UMODL1: variants seen among roughly 807,000 people sequenced by gnomAD.
UMODL1 encodes uromodulin like 1, also known as uromodulin-like 1.
UMODL1 carries 128 observed loss-of-function variants against 136.3 expected under a neutral mutation model. The observed-to-expected ratio is 0.94, with a 90% CI of 0.81 to 1.09. The LOEUF (loss-of-function observed/expected upper bound fraction) is 1.09, where lower values mean the gene tolerates loss of function less well. UMODL1 is among the 50% of genes least tolerant of loss of function. The pLI, the probability that UMODL1 is intolerant of heterozygous loss-of-function variation, is 0.00. For synonymous variants in UMODL1, 721 were observed against 720.0 expected (o/e 1.00, Z -0.02); for missense variants, 1,766 against 1,725.6 (o/e 1.02, Z -0.41).
chr21:42,138,233 C>A (rs528621229), intron 22 of UMODL1, among the ~76,000 whole-genome samples: 1 of 152,250 alleles, frequency 6.6e-6, no homozygotes, highest in Admixed American at 6.5e-5. Flanking sequence ...TGGGAAGATG[C>A]CCAAGAGGCC....
In UMODL1 at chr21:42,133,618, CCA is replaced by C. The variant is rs149427380; in HGVS notation, c.3776-3818_3776-3817del. Among the ~76,000 whole-genome samples the C allele has an allele frequency of 8.9e-3, 1,358 of 152,346 alleles. 23 individuals are homozygous for C. Among genetic ancestry groups the C allele is most frequent in the African/African-American group, 0.031 (1,293 of 41,562 alleles). On this transcript the variant is annotated intron_variant, in intron 21 of 22. Coordinates refer to ENST00000408910, the MANE Select transcript of UMODL1 (RefSeq NM_001004416.3). ...GTCCAAAATCAAGGTGCTGGCAAAG[CCA>C]CAGTCTCTCGCAACATTGTAGGGCC... is the stretch of plus-strand genomic sequence containing the variant.
intron 1 of UMODL1, among the ~76,000 whole-genome samples, chr21:42,073,427 C>T (rs1244494153): frequency 2.6e-5 from 4 of 152,228 alleles, no homozygotes; most frequent in South Asian, 2.1e-4. Flanking sequence ...GTAACTACCC[C>T]ACTGGTGATG....
chr21:42,090,478 A>G (rs1458878362), intron 6 of UMODL1, 40 bp downstream of exon 6: 1 of 1,607,018 alleles, frequency 6.2e-7, no homozygotes, highest in Non-Finnish European at 8.5e-7. Flanking sequence ...GGAATGGCTT[A>G]ATTCCTGTTT....
chr21:42,101,254 C>G (rs992941729), intron 7 of UMODL1, among the ~76,000 whole-genome samples: 56 of 152,116 alleles, frequency 3.7e-4, no homozygotes, highest in African/African-American at 1.3e-3. Flanking sequence ...TTCCCAGGGC[C>G]CTGGAGGAGG....
chr21:42,101,537 G>A (rs66994219), intron 7 of UMODL1, among the ~76,000 whole-genome samples: 27,959 of 152,106 alleles, frequency 0.18, 2,962 homozygotes, highest in South Asian at 0.27. Context: ...AATTGCCGCC[G>A]ACCTGCTCCT....
Position 42,109,640 on chromosome 21 carries a change from C to T in UMODL1, c.1598C>T (p.Thr533Ile). The change falls in exon 10 of 23, where the codon ACC becomes ATC. Residue 533 changes from threonine to isoleucine, a missense_variant. Physicochemically the swap from Thr to Ile is moderately conservative, Grantham distance 89. Transcript: ENST00000408910. ...AWCINLEGSY[T>I]CQCRTTRDAT... ...TGCATCAACCTGGAGGGCTCCTACA[C>T]CTGCCAGTGCCGTACCACCAGGGAC... is the stretch of plus-strand genomic sequence containing the variant. 2.5e-6 allele frequency: 4 copies of T among 1,609,838 alleles called. 1 individual carries two copies. Among genetic ancestry groups the T allele is most frequent in the Middle Eastern group, 3.3e-4 (2 of 6,062 alleles).
intron 13 of UMODL1, 31 bp from the exon 14 acceptor site, chr21:42,115,842 A>G (rs1253184678): frequency 1.3e-6 from 2 of 1,539,852 alleles, no homozygotes; most frequent in African/African-American, 1.4e-5. Context: ...TACAGCACCA[A>G]TTCCAAATGT....
At chr21:42,108,338 GT>G in intron 9 of UMODL1, 1 of 527,132 alleles carries the variant, frequency 1.9e-6, no homozygotes, top group Non-Finnish European at 3.9e-6. Flanking sequence ...AGAGGTGTGG[GT>G]TGGCACCAGC....
At chr21:42,105,870 C>T (rs2066708884) in intron 9 of UMODL1, among the ~76,000 whole-genome samples, 2 of 152,204 alleles carry the variant, frequency 1.3e-5, no homozygotes, top group South Asian at 4.1e-4. Context: ...ACAGGAGACC[C>T]GTGTCTTGCA....
rs541537443 is a variant in UMODL1 at position 42,123,850 on chromosome 21, C to T, written c.3147+700C>T. Reference sequence around the variant, plus strand: ...ATGGCATTAGTCAGAACTGCTCTGTCGGAGGGACTGTGTTCCTAGCGAACA... The same window carrying T: ...ATGGCATTAGTCAGAACTGCTCTGTTGGAGGGACTGTGTTCCTAGCGAACA... On this transcript the variant is annotated intron_variant, in intron 17 of 22. Coordinates refer to ENST00000408910, the MANE Select transcript of UMODL1 (RefSeq NM_001004416.3). This position sits in a 1 kb window ranked among gnomAD's most constrained non-coding sequence, Gnocchi z 4.4. 2.5e-4 allele frequency among the ~76,000 whole-genome samples: 38 copies of T among 152,228 alleles called. No individual in the cohort carries two copies. The highest frequency in any genetic ancestry group is 6.2e-4 in the South Asian group (3 of 4,820).
At chr21:42,086,144 G>T (rs7280895) in intron 4 of UMODL1, among the ~76,000 whole-genome samples, 3 of 152,174 alleles carry the variant, frequency 2.0e-5, no homozygotes, top group Admixed American at 6.5e-5. Flanking sequence ...CCCCAAGGCC[G>T]CCCTCCCTGG....
At chr21:42,127,284 G>A in intron 19 of UMODL1, 42 bp downstream of exon 19, 1 of 1,554,470 alleles carries the variant, frequency 6.4e-7, no homozygotes. Context: ...AGCAATGCCT[G>A]GGGCTTTATT....
At chr21:42,086,686 C>G (rs905213263) in intron 4 of UMODL1, 33 of 450,736 alleles carry the variant, frequency 7.3e-5, no homozygotes, top group Non-Finnish European at 1.4e-4. Flanking sequence ...AAATAATCGG[C>G]CAGGAGTGGT....
chr21:42,137,765 G>C, intron 22 of UMODL1, 124 bp downstream of exon 22: 1 of 1,133,464 alleles, frequency 8.8e-7, no homozygotes, highest in East Asian at 2.6e-5. Flanking sequence ...TGACAGGAAG[G>C]TGGGTGTGGA....
chr21:42,124,044 C>G (rs1480249858), intron 17 of UMODL1, among the ~76,000 whole-genome samples: 1 of 152,198 alleles, frequency 6.6e-6, no homozygotes, highest in Non-Finnish European at 1.5e-5. Flanking sequence ...TGGGTCTACT[C>G]TGAGCCTCTA....
upstream of UMODL1, among the ~76,000 whole-genome samples, chr21:42,067,876 G>A (rs1353361611): frequency 6.6e-6 from 1 of 152,216 alleles, no homozygotes; most frequent in African/African-American, 2.4e-5. Flanking sequence ...CACAGTCTCC[G>A]AAGTGGAATG....
At chr21:42,064,792 G>C (rs1023471027) in intron 1 of UMODL1, among the ~76,000 whole-genome samples, 1 of 152,148 alleles carries the variant, frequency 6.6e-6, no homozygotes, top group Non-Finnish European at 1.5e-5. Context: ...CTGACCTCAG[G>C]TGATCTGCCC....
Position 42,123,109 on chromosome 21 carries a change from C to G in UMODL1, c.3106C>G (p.Leu1036Val), listed in dbSNP as rs759699920. The G allele has an allele frequency of 5.0e-6, 8 of 1,614,004 alleles. No homozygotes were observed. In the South Asian group the frequency reaches 8.8e-5, roughly 18 times the overall value. Residue 1036 changes from leucine (L) to valine (V), a missense_variant, in exon 17 of 23, where the codon CTG (leucine) becomes GTG (valine). Physicochemically the swap from Leu to Val is conservative, Grantham distance 32 (BLOSUM62 1). Coordinates refer to ENST00000408910, the MANE Select transcript of UMODL1 (RefSeq NM_001004416.3). The surrounding 1 kb of genome is among the most constrained non-coding windows in gnomAD (Gnocchi z 4.4). ...CCACAGCAATGGCACACACGTGCTC[C>G]TGGAGGCCGGCTGGAGCGAGTGTGG... The part of the protein sequence containing the change: ...VSHSNGTHVL[L>V]EAGWSECGTL...
intron 1 of UMODL1, among the ~76,000 whole-genome samples, chr21:42,064,505 G>T (rs1235603661): frequency 1.3e-5 from 2 of 152,332 alleles, no homozygotes; most frequent in East Asian, 1.9e-4. Context: ...TGTCAGCTCC[G>T]TAACTGTGTG....
Sources: gnomAD v4.1 joint callset for allele counts (sites outside exome capture counted in the v4.1 genomes callset) on GRCh38, gnomAD v4.1.1 for gene constraint, Gnocchi (gnomAD v3.1) non-coding constraint, MANE v1.5 for transcripts, NCBI Gene and HGNC (gene_info 2026-07-23, HGNC 2026-07-21) for gene names.